LPP: variants seen among roughly 807,000 people sequenced by gnomAD.
LPP encodes the protein lipoma-preferred partner.
In LPP, 38 loss-of-function variants were observed where a neutral mutation model predicts 60.4. The observed-to-expected ratio is 0.63, with a 90% CI of 0.49 to 0.83. The LOEUF (loss-of-function observed/expected upper bound fraction) is 0.83, where lower values mean the gene tolerates loss of function less well. LPP is among the 40% of genes least tolerant of loss of function. The pLI, the probability that LPP is intolerant of heterozygous loss-of-function variation, is 0.00. For synonymous variants in LPP, 328 were observed against 290.8 expected (o/e 1.13, Z -1.30); for missense variants, 902 against 783.6 (o/e 1.15, Z -1.80).
At chr3:188,707,587 C>T (rs750678283) in intron 7 of LPP, among the ~76,000 whole-genome samples, 2 of 152,176 alleles carry the variant, frequency 1.3e-5, no homozygotes, top group Non-Finnish European at 2.9e-5. Context: ...ACTCAACTTC[C>T]TTAACTGGAA....
intron 9 of LPP, among the ~76,000 whole-genome samples, chr3:188,844,843 A>G (rs1761020853): frequency 6.6e-6 from 1 of 152,230 alleles, no homozygotes; most frequent in Non-Finnish European, 1.5e-5. Flanking sequence ...ACTGAGAATA[A>G]TAATGCCAGT....
At chr3:188,706,761 C>G (rs1459406491) in intron 7 of LPP, among the ~76,000 whole-genome samples, 4 of 152,314 alleles carry the variant, frequency 2.6e-5, no homozygotes, top group Admixed American at 2.6e-4. Context: ...GTTGAACTTA[C>G]TCTTGTAAAC....
intron 2 of LPP, among the ~76,000 whole-genome samples, chr3:188,290,066 G>A (rs534037115): frequency 1.8e-4 from 28 of 152,014 alleles, no homozygotes; most frequent in Non-Finnish European, 3.7e-4. Flanking sequence ...TTGGCCTCCC[G>A]GGTTCAAGTG....
chr3:188,721,815 T>C (rs1311170621), intron 8 of LPP, among the ~76,000 whole-genome samples: 1 of 152,162 alleles, frequency 6.6e-6, no homozygotes, highest in Non-Finnish European at 1.5e-5. Flanking sequence ...CTGAGAGGCA[T>C]TGCCGGCCTG....
intron 9 of LPP, among the ~76,000 whole-genome samples, chr3:188,827,066 A>C (rs1755742104): frequency 6.6e-6 from 1 of 152,140 alleles, no homozygotes. Flanking sequence ...TTAAAAAGAG[A>C]CTGATTGTAT....
At chr3:188,471,285 T>C (rs1236729769) in intron 4 of LPP, among the ~76,000 whole-genome samples, 3 of 152,204 alleles carry the variant, frequency 2.0e-5, no homozygotes, top group African/African-American at 7.2e-5. Flanking sequence ...CAAGATTGCT[T>C]TGGCTATTCA....
At chr3:188,571,002 C>T (rs1388442856) in intron 6 of LPP, among the ~76,000 whole-genome samples, 3 of 152,066 alleles carry the variant, frequency 2.0e-5, no homozygotes, top group Non-Finnish European at 4.4e-5. Context: ...GTATAAAGAG[C>T]TACGCTCAAA....
At chr3:188,258,579 C>T (rs1050722472) in intron 2 of LPP, among the ~76,000 whole-genome samples, 7 of 152,164 alleles carry the variant, frequency 4.6e-5, no homozygotes, top group Admixed American at 3.9e-4. Context: ...CCTTGGCCTC[C>T]CAAAGTGCTG....
At chr3:188,173,210 C>G (rs942664088) in intron 1 of LPP, among the ~76,000 whole-genome samples, 1 of 152,110 alleles carries the variant, frequency 6.6e-6, no homozygotes, top group African/African-American at 2.4e-5. Flanking sequence ...TATAGAAAAG[C>G]CTATTACAGG....
At chr3:188,803,335 T>G (rs1747906047) in intron 9 of LPP, among the ~76,000 whole-genome samples, 1 of 152,168 alleles carries the variant, frequency 6.6e-6, no homozygotes, top group Non-Finnish European at 1.5e-5. Context: ...GCTCAACTTG[T>G]TGTATATGCT....
At chr3:188,795,482 A>G (rs2151076065) in intron 9 of LPP, among the ~76,000 whole-genome samples, 1 of 152,310 alleles carries the variant, frequency 6.6e-6, no homozygotes, top group Non-Finnish European at 1.5e-5. Context: ...AGAAGAGAGT[A>G]TTAAGGATCT....
chr3:188,657,682 C>A (rs1413327171), intron 7 of LPP, among the ~76,000 whole-genome samples: 1 of 152,034 alleles, frequency 6.6e-6, no homozygotes, highest in African/African-American at 2.4e-5. Context: ...TTTGTCCAAC[C>A]TAAACAAAGA....
intron 5 of LPP, among the ~76,000 whole-genome samples, chr3:188,519,886 C>T (rs1165840177): frequency 6.6e-6 from 1 of 152,162 alleles, no homozygotes; most frequent in Non-Finnish European, 1.5e-5. Context: ...AATGCTCTTT[C>T]ATAACCAATT....
At chr3:188,755,803 C>A in intron 8 of LPP, among the ~76,000 whole-genome samples, 1 of 80,472 alleles carries the variant, frequency 1.2e-5, no homozygotes, top group African/African-American at 5.0e-5. Context: ...GAGTGAGATC[C>A]TGTCACAAAA....
At chr3:188,228,381 T>C (rs1718602088) in intron 2 of LPP, among the ~76,000 whole-genome samples, 1 of 152,084 alleles carries the variant, frequency 6.6e-6, no homozygotes, top group Admixed American at 6.5e-5. Context: ...GAAGTGAGGG[T>C]CCCTTTCCCA....
At chr3:188,347,022 A>G (rs1764582821) in intron 3 of LPP, among the ~76,000 whole-genome samples, 2 of 152,232 alleles carry the variant, frequency 1.3e-5, no homozygotes, top group African/African-American at 4.8e-5. Flanking sequence ...TAAATGCTAG[A>G]CATCTCAATA....
Position 188,397,296 on chromosome 3 carries a change from A to G in LPP, c.-9-8816A>G, listed in dbSNP as rs75819751. ...TTCTTTAGCTTCTCTAAATCTCGGTATTTGAATACTCAAATTAGAAGACGT... is the reference window on the plus strand; with the variant it reads ...TTCTTTAGCTTCTCTAAATCTCGGTGTTTGAATACTCAAATTAGAAGACGT... On this transcript the variant is annotated intron_variant, in intron 3 of 11. Coordinates refer to ENST00000617246, the MANE Select transcript of LPP (RefSeq NM_001375462.1). Among the ~76,000 whole-genome samples, 50 of 152,306 alleles carry G rather than the reference A, an allele frequency of 3.3e-4. No individual in the cohort carries two copies. In the East Asian group the frequency reaches 8.5e-3, roughly 26 times the overall value.
intron 9 of LPP, among the ~76,000 whole-genome samples, chr3:188,841,076 C>T (rs1406078097): frequency 6.6e-6 from 1 of 152,152 alleles, no homozygotes; most frequent in Admixed American, 6.5e-5. Flanking sequence ...ATTAGGAGAC[C>T]ACCAGGGCTG....
At chr3:188,680,699 G>A (rs1205071938) in intron 7 of LPP, among the ~76,000 whole-genome samples, 1 of 152,176 alleles carries the variant, frequency 6.6e-6, no homozygotes, top group Non-Finnish European at 1.5e-5. Context: ...AACTGGAGCT[G>A]CACACCCAAC....
Sources: allele counts gnomAD v4.1 joint callset (sites outside exome capture counted in the v4.1 genomes callset), GRCh38; gene constraint gnomAD v4.1.1; transcripts MANE v1.5; gene names NCBI Gene and HGNC (gene_info 2026-07-23, HGNC 2026-07-21).